Variants in CHRNA2 observed in about 807,000 individuals in gnomAD.
CHRNA2 encodes the protein neuronal acetylcholine receptor subunit alpha-2.
A neutral mutation model predicts 45.5 loss-of-function variants in CHRNA2; 40 were observed. The observed-to-expected ratio is 0.88, with a 90% confidence interval of 0.68 to 1.15. The LOEUF (loss-of-function observed/expected upper bound fraction) is 1.15, where lower values mean the gene tolerates loss of function less well. CHRNA2 is among the 50% of genes most tolerant of loss of function. CHRNA2 has a pLI of 0.00. For missense variants in CHRNA2, 655 were observed against 701.7 expected, an observed-to-expected ratio of 0.93 and a Z score of 0.75; for synonymous variants, 301 against 296.7, an observed-to-expected ratio of 1.01 and a Z score of -0.15.
intron 5 of CHRNA2, among the ~76,000 whole-genome samples, chr8:27,466,660 G>A (rs975325924): frequency 1.3e-5 from 2 of 152,154 alleles, no homozygotes; most frequent in African/African-American, 4.8e-5. Flanking sequence ...TGAAATTATA[G>A]ATGTCTATTT....
At chr8:27,476,022 T>G (rs1813049734) in intron 1 of CHRNA2, among the ~76,000 whole-genome samples, 1 of 152,234 alleles carries the variant, frequency 6.6e-6, no homozygotes, top group Non-Finnish European at 1.5e-5. Context: ...AGACTAAGGC[T>G]TCTCACTTAA....
At chr8:27,472,092 G>A (rs1232710810) in intron 1 of CHRNA2, among the ~76,000 whole-genome samples, 1 of 152,226 alleles carries the variant, frequency 6.6e-6, no homozygotes, top group East Asian at 1.9e-4. Flanking sequence ...AGGTTCCTGA[G>A]GGGTGATGAG....
rs765201434 is a variant in CHRNA2 at position 27,467,306 on chromosome 8, G to A, written c.372C>T (p.Pro124=). The change falls in exon 5 of 7, where the codon CCC becomes CCT. Residue 124 remains proline, a synonymous_variant. Coordinates refer to ENST00000407991, the MANE Select transcript of CHRNA2 (RefSeq NM_000742.4). ...GAGATGTGATGTTGCCAAAATCAGT[G>A]GGGTTCCAGCGCAGTTTGTAGTCGC... The part of the protein sequence containing the change: ...EWSDYKLRWN[P]TDFGNITSLR... The A allele has an allele frequency of 7.4e-6, 12 of 1,613,710 alleles. No homozygotes were observed. Among genetic ancestry groups the A allele is most frequent in the South Asian group, 3.3e-5 (3 of 91,080 alleles).
chr8:27,466,671 A>C (rs1812707879), intron 5 of CHRNA2, among the ~76,000 whole-genome samples: 1 of 152,242 alleles, frequency 6.6e-6, no homozygotes, highest in African/African-American at 2.4e-5. Context: ...ATGTCTATTT[A>C]TTCCATCAAA....
rs769975305 is a variant in CHRNA2 at position 27,463,681 on chromosome 8, G to A, written c.762C>T (p.Asp254=). 3.7e-5 allele frequency: 59 copies of A among 1,614,008 alleles called. No homozygotes were observed. Among genetic ancestry groups the A allele is most frequent in the Middle Eastern group, 1.6e-4 (1 of 6,084 alleles). ...GCCGGATGACGAAGGCGTAGGTGAC[G>A]TCGGGGTAGATCTCGGCGCAGCAGT... is the stretch of plus-strand genomic sequence containing the variant. The part of the protein sequence containing the change: ...KYDCCAEIYP[D]VTYAFVIRRL... The change falls in exon 6 of 7, where the codon GAC becomes GAT. Residue 254 remains aspartate (D), a synonymous_variant. Coordinates refer to ENST00000407991, the MANE Select transcript of CHRNA2 (RefSeq NM_000742.4). The surrounding 1 kb of genome is among the most constrained non-coding windows in gnomAD (Gnocchi z 6.1).
rs1427091098 is a variant in CHRNA2, at chr8:27,467,346, T to G, written c.340-8A>C. On this transcript the variant is annotated splice_region_variant and splice_polypyrimidine_tract_variant and intron_variant, in intron 4 of 6. Coordinates refer to ENST00000407991, the MANE Select transcript of CHRNA2 (RefSeq NM_000742.4). The stretch of plus-strand genomic sequence containing the variant: ...TTTGTAGTCGCTCCACTCCTGTGTG[T>G]GGGGAAGGAGTTGTGTCAACCTCGC... 10 of 1,600,230 alleles carry G rather than the reference T, an allele frequency of 6.2e-6. No homozygotes were observed. The highest frequency in any genetic ancestry group is 1.3e-5 in the African/African-American group (1 of 74,346).
rs1029528073 is a variant in CHRNA2 at position 27,471,085 on chromosome 8, G to T, written c.-27C>A. On this transcript the variant is annotated 5_prime_UTR_variant, in exon 2 of 7. In the 5' UTR this introduces an upstream ATG that the reference lacks. Coordinates refer to ENST00000407991, the MANE Select transcript of CHRNA2 (RefSeq NM_000742.4). The stretch of plus-strand genomic sequence containing the variant: ...GCTTCTCCTGAGCATCAGGAGGTCA[G>T]GTCAGGGCTTTGCTGTGGGTTGCAC... 2 of 1,609,332 alleles carry T rather than the reference G, an allele frequency of 1.2e-6. No homozygotes were observed. The highest frequency in any genetic ancestry group is 1.1e-5 in the South Asian group (1 of 90,888).
At chr8:27,469,313 A>C in intron 4 of CHRNA2, 22 bp downstream of exon 4, 2 of 1,517,930 alleles carry the variant, frequency 1.3e-6, no homozygotes, top group Non-Finnish European at 1.8e-6. Flanking sequence ...CGCCACCTGG[A>C]CTGGAGGAGG....
chr8:27,477,729 A>G (rs1369005878), intron 1 of CHRNA2, among the ~76,000 whole-genome samples: 1 of 152,148 alleles, frequency 6.6e-6, no homozygotes, highest in Non-Finnish European at 1.5e-5. Context: ...TTGACCCTCT[A>G]AGTGGCTGGA....
At position 27,469,755 on chromosome 8, in the gene CHRNA2, G is replaced by A; in HGVS notation, c.294+6C>T. 2.5e-6 allele frequency: 4 copies of A among 1,614,142 alleles called. No individual in the cohort carries two copies. The highest frequency in any genetic ancestry group is 3.4e-6 in the Non-Finnish European group (4 of 1,179,998). ...CCTCGGGCCAGCGGTGGGAAGACAG[G>A]CGCACCACATCGATGAGCTGAGCGA... On this transcript the variant is annotated splice_donor_region_variant and intron_variant, in intron 3 of 6. Transcript: ENST00000407991.
At chr8:27,466,685 T>C (rs1812708327) in intron 5 of CHRNA2, among the ~76,000 whole-genome samples, 1 of 152,266 alleles carries the variant, frequency 6.6e-6, no homozygotes, top group African/African-American at 2.4e-5. Context: ...CATCAAAATA[T>C]TTTTTATTGA....
rs368211446 is a variant in CHRNA2 at position 27,469,742 on chromosome 8, G to A, written c.294+19C>T. 1.2e-5 allele frequency: 20 copies of A among 1,613,692 alleles called. No homozygotes were observed. Among genetic ancestry groups the A allele is most frequent in the South Asian group, 3.3e-5 (3 of 91,086 alleles). The stretch of plus-strand genomic sequence containing the variant: ...CTGGGATCTCCTTCCTCGGGCCAGC[G>A]GTGGGAAGACAGGCGCACCACATCG... On this transcript the variant is annotated intron_variant, in intron 3 of 6. Transcript: ENST00000407991.
At chr8:27,470,034 G>T in intron 2 of CHRNA2, 53 bp from the exon 3 acceptor site, 2 of 1,498,386 alleles carry the variant, frequency 1.3e-6, no homozygotes, top group Non-Finnish European at 1.8e-6. Context: ...TTGCTCATCT[G>T]TAAAATGGAG....
rs1812480854 is a variant in CHRNA2 at position 27,461,405 on chromosome 8, C to T, written c.*224G>A. 1.6e-6 allele frequency: 1 copy of T among 606,856 alleles called. No individual in the cohort carries two copies. 37.6% of individuals were successfully genotyped at this position (606,856 alleles called of 1,614,324 possible). A position where few individuals can be genotyped will look rare whatever the true frequency, so the allele number is the denominator to read the frequency against. On this transcript the variant is annotated 3_prime_UTR_variant, in exon 7 of 7. Transcript: ENST00000407991. ...ACTATTGCGACCTTCTGCAGAGCTT[C>T]CCCAGCTCCTCCGTATCCAAAACAG... is the stretch of plus-strand genomic sequence containing the variant.
At chr8:27,467,154 C>A in intron 5 of CHRNA2, 75 bp downstream of exon 5, 2 of 1,171,584 alleles carry the variant, frequency 1.7e-6, no homozygotes, top group Non-Finnish European at 2.6e-6. Context: ...CCAGGGGGGC[C>A]CCTCCCAAGG....
rs1812479045 is a variant in CHRNA2, at chr8:27,461,360, C to G, written c.*269G>C. ...ACTGCTCCTCCAGGAGAATCTTACTCTGCCCCACTTGGTCACCACACTATT... is the reference window on the plus strand; with the variant it reads ...ACTGCTCCTCCAGGAGAATCTTACTGTGCCCCACTTGGTCACCACACTATT... On this transcript the variant is annotated 3_prime_UTR_variant, in exon 7 of 7. Transcript: ENST00000407991. 1 of 499,406 alleles carries G rather than the reference C, an allele frequency of 2.0e-6. No homozygotes were observed. The highest frequency in any genetic ancestry group is 1.9e-5 in the African/African-American group (1 of 51,652). 30.9% of individuals were successfully genotyped at this position (499,406 alleles called of 1,614,324 possible).
chr8:27,477,983 A>G (rs1813112714), intron 1 of CHRNA2, among the ~76,000 whole-genome samples: 1 of 152,102 alleles, frequency 6.6e-6, no homozygotes, highest in South Asian at 2.1e-4. Flanking sequence ...GTGGAGGTCA[A>G]GGTGATTTGA....
chr8:27,462,872 T>C, intron 6 of CHRNA2, 107 bp downstream of exon 6: 1 of 1,400,004 alleles, frequency 7.1e-7, no homozygotes, highest in Admixed American at 1.7e-5. Flanking sequence ...AAAGTGGGCC[T>C]TCACGAGAGG....
chr8:27,473,532 CG>C (rs148871178), intron 1 of CHRNA2, among the ~76,000 whole-genome samples: 31,933 of 137,322 alleles, frequency 0.23, 5,580 homozygotes, highest in East Asian at 0.45. Context: ...AGACCCCCCC[CG>C]CCGTCTCTAC....
Sources: gnomAD v4.1 joint callset for allele counts (sites outside exome capture counted in the v4.1 genomes callset) on GRCh38, gnomAD v4.1.1 for gene constraint, Gnocchi (gnomAD v3.1) non-coding constraint, MANE v1.5 for transcripts, NCBI Gene and HGNC (gene_info 2026-07-23, HGNC 2026-07-21) for gene names.